Variants in TAFA2 observed in about 807,000 individuals in gnomAD.
The protein encoded by TAFA2 is TAFA chemokine like family member 2.
Under a neutral mutation model 18.8 loss-of-function variants are expected in TAFA2, and 7 were observed. That is an observed-to-expected ratio of 0.37 (90% CI 0.21 to 0.70). TAFA2 has a LOEUF of 0.70. Ranked by LOEUF, TAFA2 falls within the 30% of genes least tolerant of loss-of-function variation. TAFA2 has a pLI of 0.53. For missense variants in TAFA2, 122 were observed against 158.1 expected, an observed-to-expected ratio of 0.77 and a Z score of 1.23; for synonymous variants, 60 against 54.2, an observed-to-expected ratio of 1.11 and a Z score of -0.47.
intron 1 of TAFA2, among the ~76,000 whole-genome samples, chr12:62,159,391 T>G (rs1394423509): frequency 6.6e-6 from 1 of 152,214 alleles, no homozygotes; most frequent in African/African-American, 2.4e-5. Context: ...GGTGAATTAC[T>G]GAGTATCATA....
intron 1 of TAFA2, among the ~76,000 whole-genome samples, chr12:62,210,858 T>A (rs1343281509): frequency 6.6e-6 from 1 of 152,172 alleles, no homozygotes; most frequent in Non-Finnish European, 1.5e-5. Flanking sequence ...ACGTATATTG[T>A]CTTTTCACAC....
At chr12:61,825,770 G>A (rs534374387) in intron 2 of TAFA2, among the ~76,000 whole-genome samples, 119 of 152,106 alleles carry the variant, frequency 7.8e-4, no homozygotes, top group African/African-American at 2.7e-3. Context: ...TTTGAAAGAC[G>A]CCATAGAAAA....
intron 4 of TAFA2, among the ~76,000 whole-genome samples, chr12:61,745,601 T>C (rs1868664946): frequency 6.6e-6 from 1 of 152,110 alleles, no homozygotes; most frequent in African/African-American, 2.4e-5. Flanking sequence ...CAACATACTA[T>C]ATATTTACTT....
intron 2 of TAFA2, among the ~76,000 whole-genome samples, chr12:61,826,254 A>G (rs1872532680): frequency 6.6e-6 from 1 of 152,068 alleles, no homozygotes; most frequent in Non-Finnish European, 1.5e-5. Flanking sequence ...ACAACCTGAC[A>G]GTACTACCCT....
At chr12:61,928,322 A>G (rs1353682636) in intron 1 of TAFA2, among the ~76,000 whole-genome samples, 4 of 152,140 alleles carry the variant, frequency 2.6e-5, no homozygotes, top group Non-Finnish European at 5.9e-5. Context: ...AAACAAACAA[A>G]CAAATAAACA....
Position 62,129,320 on chromosome 12 carries a change from C to T in TAFA2, c.-2+61939G>A, listed in dbSNP as rs568168780. The stretch of plus-strand genomic sequence containing the variant: ...AGATTAAAAACTCATTAAGAAAGAT[C>T]CAGTTGTATTTCCATTCTGTTGTAA... On this transcript the variant is annotated intron_variant, in intron 1 of 4. Coordinates refer to ENST00000416284, the MANE Select transcript of TAFA2 (RefSeq NM_178539.5). 1.3e-3 allele frequency among the ~76,000 whole-genome samples: 191 copies of T among 152,068 alleles called. 3 individuals are homozygous for T. Among genetic ancestry groups the T allele is most frequent in the Non-Finnish European group, 2.1e-3 (140 of 67,958 alleles).
At chr12:62,026,848 C>A (rs182010879) in intron 1 of TAFA2, among the ~76,000 whole-genome samples, 1 of 152,242 alleles carries the variant, frequency 6.6e-6, no homozygotes, top group African/African-American at 2.4e-5. Flanking sequence ...ATGCTGGTAT[C>A]ACTTATGCGG....
chr12:61,810,316 C>T (rs1302913789), intron 2 of TAFA2, among the ~76,000 whole-genome samples: 2 of 146,942 alleles, frequency 1.4e-5, no homozygotes, highest in Admixed American at 6.8e-5. Context: ...TTAGCCATTA[C>T]TTTGTTTTTT....
At chr12:62,153,872 C>T (rs1390042122) in intron 1 of TAFA2, among the ~76,000 whole-genome samples, 1 of 151,450 alleles carries the variant, frequency 6.6e-6, no homozygotes, top group Non-Finnish European at 1.5e-5. Context: ...ATTATATTGC[C>T]CAAGTTGGAG....
chr12:61,945,905 C>T (rs2121437471), intron 1 of TAFA2, among the ~76,000 whole-genome samples: 1 of 150,042 alleles, frequency 6.7e-6, no homozygotes, highest in East Asian at 2.0e-4. Flanking sequence ...AGATTCAATG[C>T]CATCCCCATC....
intron 4 of TAFA2, among the ~76,000 whole-genome samples, chr12:61,741,402 A>G (rs1868441985): frequency 6.6e-6 from 1 of 151,928 alleles, no homozygotes; most frequent in South Asian, 2.1e-4. Flanking sequence ...TTGAGAAAGC[A>G]TTTTATTGAA....
chr12:62,193,521 T>C (rs1302172240), upstream of TAFA2, among the ~76,000 whole-genome samples: 2 of 152,216 alleles, frequency 1.3e-5, no homozygotes, highest in African/African-American at 4.8e-5. Context: ...TACAAAGAAA[T>C]ATAGAATATG....
intron 1 of TAFA2, among the ~76,000 whole-genome samples, chr12:61,908,076 AC>A (rs1202094940): frequency 6.6e-6 from 1 of 152,034 alleles, no homozygotes; most frequent in Non-Finnish European, 1.5e-5. Flanking sequence ...TGGACTGTGG[AC>A]TTTTGAGCTA....
intron 1 of TAFA2, among the ~76,000 whole-genome samples, chr12:61,976,059 T>A (rs565665348): frequency 2.0e-5 from 3 of 151,808 alleles, no homozygotes; most frequent in Non-Finnish European, 2.9e-5. Context: ...AATGAAAAAA[T>A]AAAGGGAATC....
intron 1 of TAFA2, among the ~76,000 whole-genome samples, chr12:62,111,448 A>C (rs1226588740): frequency 6.6e-6 from 1 of 152,238 alleles, no homozygotes; most frequent in African/African-American, 2.4e-5. Flanking sequence ...TGGTGCTGAG[A>C]AGAATGTATT....
chr12:61,735,040 T>C (rs1038385911), intron 4 of TAFA2, among the ~76,000 whole-genome samples: 45 of 152,048 alleles, frequency 3.0e-4, no homozygotes, highest in African/African-American at 1.1e-3. Context: ...TGTTTGGCCA[T>C]AGTGAGGACT....
rs138055511 is a variant in TAFA2 at position 61,982,247 on chromosome 12, C to G, written c.-1-114821G>C. ...AGGTGGGAAATGAACAATCAGATCACTTGGACACAGGGCAGGGAACATCAC... is the reference window on the plus strand; with the variant it reads ...AGGTGGGAAATGAACAATCAGATCAGTTGGACACAGGGCAGGGAACATCAC... On this transcript the variant is annotated intron_variant, in intron 1 of 4. Coordinates refer to ENST00000416284, the MANE Select transcript of TAFA2 (RefSeq NM_178539.5). Among the ~76,000 whole-genome samples, 1,178 of 152,200 alleles carry G rather than the reference C, an allele frequency of 7.7e-3. 21 individuals are homozygous for G. The highest frequency in any genetic ancestry group is 0.027 in the African/African-American group (1,104 of 41,538).
At chr12:62,024,724 A>G (rs1881258845) in intron 1 of TAFA2, among the ~76,000 whole-genome samples, 1 of 152,160 alleles carries the variant, frequency 6.6e-6, no homozygotes, top group Non-Finnish European at 1.5e-5. Context: ...CAAAGATCTA[A>G]TATCCAGAAT....
chr12:61,925,713 G>A (rs1877259889), intron 1 of TAFA2, among the ~76,000 whole-genome samples: 2 of 151,954 alleles, frequency 1.3e-5, no homozygotes, highest in Admixed American at 6.6e-5. Context: ...TGTGTAGAGG[G>A]AAATTTATAA....
Sources: allele counts gnomAD v4.1 joint callset (sites outside exome capture counted in the v4.1 genomes callset), GRCh38; gene constraint gnomAD v4.1.1; transcripts MANE v1.5; gene names NCBI Gene and HGNC (gene_info 2026-07-23, HGNC 2026-07-21).